The following ADGRL3 variants were observed in gnomAD, a reference collection of about 807,000 sequenced individuals.
The protein encoded by ADGRL3 is calcium-independent alpha-latrotoxin receptor 3.
In ADGRL3, 62 loss-of-function variants were observed where a neutral mutation model predicts 153.5. The ratio of observed to expected loss-of-function variants is 0.40; its 90% confidence interval spans 0.33 to 0.50. The LOEUF (loss-of-function observed/expected upper bound fraction) is 0.50. Among genes scored for constraint, ADGRL3 ranks in the 20% least tolerant of loss-of-function variants. ADGRL3 has a pLI of 0.47. For synonymous variants in ADGRL3, 710 were observed against 672.5 expected (o/e 1.06, Z -0.86); for missense variants, 1,641 against 1,859.4 (o/e 0.88, Z 2.16).
At chr4:61,820,569 C>T (rs2097741997) in intron 9 of ADGRL3, among the ~76,000 whole-genome samples, 1 of 152,166 alleles carries the variant, frequency 6.6e-6, no homozygotes, top group African/African-American at 2.4e-5. Flanking sequence ...AAAGCTTCTT[C>T]TCAAAGCACT....
intron 8 of ADGRL3, among the ~76,000 whole-genome samples, chr4:61,810,840 A>G (rs973021022): frequency 6.6e-6 from 1 of 152,034 alleles, no homozygotes; most frequent in African/African-American, 2.4e-5. Context: ...ATGGGGACAT[A>G]ATTTCTGGCT....
chr4:61,504,055 T>G (rs1395024093), intron 3 of ADGRL3, among the ~76,000 whole-genome samples: 1 of 152,126 alleles, frequency 6.6e-6, no homozygotes, highest in Non-Finnish European at 1.5e-5. Flanking sequence ...TGCAGTGGCA[T>G]AATCAGAGCC....
chr4:62,031,602 CA>C lies in ADGRL3; in HGVS notation c.3584del (p.Gln1195ArgfsTer69). On this transcript the variant is annotated frameshift_variant, in exon 23 of 27. Coordinates refer to ENST00000683033, the MANE Select transcript of ADGRL3 (RefSeq NM_001387552.1). LOFTEE classifies it high-confidence loss of function. ...TATATTTATTTTCCATTGTGTCCTA[CA>C]GAAGAAGGTAAGCTAGAATTCTTTT... is the stretch of plus-strand genomic sequence containing the variant. ...MFIFIFHCVL[Q>X]KKVRKEYGKC... is the part of the protein sequence containing the mutation. 6.2e-7 allele frequency: 1 copy of C among 1,602,782 alleles called. No individual in the cohort carries two copies. Among genetic ancestry groups the C allele is most frequent in the Non-Finnish European group, 8.5e-7 (1 of 1,172,830 alleles).
chr4:61,862,711 G>A (rs1206689172), intron 9 of ADGRL3, among the ~76,000 whole-genome samples: 6 of 152,128 alleles, frequency 3.9e-5, no homozygotes, highest in Non-Finnish European at 5.9e-5. Flanking sequence ...TAGAACTCCA[G>A]ATTCATGGTC....
intron 25 of ADGRL3, among the ~76,000 whole-genome samples, chr4:62,052,272 A>G (rs1235371726): frequency 1.3e-5 from 2 of 151,628 alleles, no homozygotes; most frequent in African/African-American, 2.4e-5. Flanking sequence ...GAATATAGAT[A>G]TAGTCATTTG....
intron 12 of ADGRL3, among the ~76,000 whole-genome samples, chr4:61,910,014 G>A (rs1178712296): frequency 6.6e-6 from 1 of 151,834 alleles, no homozygotes; most frequent in Non-Finnish European, 1.5e-5. Context: ...CAGTTATTCT[G>A]TTATGCTAAA....
chr4:61,258,791 C>A (rs2092246764), intron 1 of ADGRL3, among the ~76,000 whole-genome samples: 1 of 152,108 alleles, frequency 6.6e-6, no homozygotes, highest in South Asian at 2.1e-4. Context: ...GATAAGTTAG[C>A]TACCTCAACG....
intron 1 of ADGRL3, among the ~76,000 whole-genome samples, chr4:61,237,817 G>C (rs971840338): frequency 6.6e-5 from 10 of 152,106 alleles, no homozygotes; most frequent in African/African-American, 2.4e-4. Context: ...TAGGAGCCAG[G>C]TGATATTGTC....
At chr4:61,516,507 CA>C (rs560724932) in intron 3 of ADGRL3, among the ~76,000 whole-genome samples, 268 of 151,450 alleles carry the variant, frequency 1.8e-3, no homozygotes, top group African/African-American at 6.4e-3. Flanking sequence ...ATCAATTTAT[CA>C]AAAAAAATCC....
intron 17 of ADGRL3, among the ~76,000 whole-genome samples, chr4:61,965,851 C>T (rs1328370013): frequency 3.3e-5 from 5 of 152,074 alleles, no homozygotes; most frequent in Admixed American, 1.3e-4. Flanking sequence ...ATTTACTCTG[C>T]GTATCATTAC....
chr4:61,262,145 ATT>A (rs766177739), intron 1 of ADGRL3, among the ~76,000 whole-genome samples: 2 of 152,110 alleles, frequency 1.3e-5, no homozygotes, highest in Non-Finnish European at 2.9e-5. Context: ...TATAATAATG[ATT>A]TTTACATTTT....
At chr4:61,997,648 C>T (rs557896719) in intron 20 of ADGRL3, among the ~76,000 whole-genome samples, 4 of 152,222 alleles carry the variant, frequency 2.6e-5, no homozygotes, top group Admixed American at 1.3e-4. Flanking sequence ...AGTGATATGA[C>T]AATACCATTG....
At chr4:61,256,616 GTGAA>G (rs1366011914) in intron 1 of ADGRL3, among the ~76,000 whole-genome samples, 1 of 152,042 alleles carries the variant, frequency 6.6e-6, no homozygotes, top group Non-Finnish European at 1.5e-5. Flanking sequence ...AGTATTGTGA[GTGAA>G]TGAATACCAA....
At chr4:61,935,133 G>A (rs2098832827) in intron 14 of ADGRL3, 110 bp downstream of exon 14, 1 of 855,538 alleles carries the variant, frequency 1.2e-6, no homozygotes, top group African/African-American at 1.7e-5. Flanking sequence ...TATTTCAATG[G>A]AGAAAAGTCA....
intron 2 of ADGRL3, among the ~76,000 whole-genome samples, chr4:61,395,926 G>T (rs926953090): frequency 6.6e-6 from 1 of 151,492 alleles, no homozygotes. Flanking sequence ...TGTTGAGAGC[G>T]CATTGTGCTA....
intron 8 of ADGRL3, among the ~76,000 whole-genome samples, chr4:61,739,307 CTT>C (rs33939282): frequency 3.4e-5 from 5 of 146,504 alleles, no homozygotes; most frequent in South Asian, 2.1e-4. Context: ...CTACAAATTA[CTT>C]TTTTTTTTTT....
chr4:61,735,567 T>C (rs1312965225), intron 8 of ADGRL3, among the ~76,000 whole-genome samples: 1 of 152,194 alleles, frequency 6.6e-6, no homozygotes, highest in Non-Finnish European at 1.5e-5. Context: ...TTCATAGCTG[T>C]GATATTCTTA....
At chr4:62,033,523 T>G (rs1376324881) in intron 23 of ADGRL3, among the ~76,000 whole-genome samples, 3 of 151,688 alleles carry the variant, frequency 2.0e-5, no homozygotes, top group African/African-American at 7.2e-5. Flanking sequence ...GTGGTTGGTA[T>G]TCTAAAAGAC....
At chr4:61,229,948 G>T (rs1032001122) in intron 1 of ADGRL3, among the ~76,000 whole-genome samples, 1 of 151,468 alleles carries the variant, frequency 6.6e-6, no homozygotes, top group Non-Finnish European at 1.5e-5. Context: ...ATATTATATA[G>T]ATAGATAGAT....
Sources: gnomAD v4.1 joint callset for allele counts (sites outside exome capture counted in the v4.1 genomes callset) on GRCh38, gnomAD v4.1.1 for gene constraint, MANE v1.5 for transcripts, NCBI Gene and HGNC (gene_info 2026-07-23, HGNC 2026-07-21) for gene names.